ERC2: variants seen among roughly 807,000 people sequenced by gnomAD.
The protein encoded by ERC2 is ERC protein 2.
Under a neutral mutation model 114.8 loss-of-function variants are expected in ERC2, and 42 were observed. That is an observed-to-expected ratio of 0.37 (90% CI 0.29 to 0.47). The LOEUF (loss-of-function observed/expected upper bound fraction) is 0.47, where lower values mean the gene tolerates loss of function less well. Among genes scored for constraint, ERC2 ranks in the 20% least tolerant of loss-of-function variants. The probability of loss-of-function intolerance (pLI) is 0.99; values close to 1 mark genes in which losing one functional copy is unlikely to be tolerated. For missense variants in ERC2, 939 were observed against 1,150.7 expected (o/e 0.82, Z 2.66); for synonymous variants, 454 against 425.5 (o/e 1.07, Z -0.82).
intron 14 of ERC2, among the ~76,000 whole-genome samples, chr3:55,774,103 C>G (rs2068426806): frequency 6.6e-6 from 1 of 152,092 alleles, no homozygotes; most frequent in Non-Finnish European, 1.5e-5. Context: ...CCTGGAGCAC[C>G]CTCATTCAAC....
At chr3:56,369,076 A>G (rs945612696) in intron 2 of ERC2, among the ~76,000 whole-genome samples, 1 of 152,190 alleles carries the variant, frequency 6.6e-6, no homozygotes, top group Non-Finnish European at 1.5e-5. Context: ...CTTCTACCCA[A>G]GGCAGCGGGC....
chr3:55,698,834 A>G (rs1287777484), intron 16 of ERC2, among the ~76,000 whole-genome samples: 1 of 152,138 alleles, frequency 6.6e-6, no homozygotes, highest in African/African-American at 2.4e-5. Flanking sequence ...GTTTTTGTCA[A>G]TCCATCTTTT....
chr3:56,217,245 T>C (rs1305844431), intron 3 of ERC2, among the ~76,000 whole-genome samples: 2 of 152,152 alleles, frequency 1.3e-5, no homozygotes, highest in Non-Finnish European at 2.9e-5. Context: ...AAAACCCCAT[T>C]GTCTCAGCCC....
At chr3:56,298,705 G>A (rs1290183015) in intron 2 of ERC2, among the ~76,000 whole-genome samples, 1 of 145,996 alleles carries the variant, frequency 6.8e-6, no homozygotes, top group African/African-American at 2.5e-5. Context: ...TGGGGGGTGT[G>A]GAGTAAATGG....
chr3:55,562,601 C>T (rs1161531092), intron 17 of ERC2, among the ~76,000 whole-genome samples: 1 of 152,182 alleles, frequency 6.6e-6, no homozygotes, highest in Non-Finnish European at 1.5e-5. Flanking sequence ...ACTCTGCTTG[C>T]AAAGAAAACA....
In ERC2 at chr3:56,148,968, G is replaced by A. The variant is rs553628178; in HGVS notation, c.1305+9C>T. ...TAAGAACATAAAAGTTTATAACCCT[G>A]GACCGTACCTTGGTCTTCATAAACT... On this transcript the variant is annotated intron_variant, in intron 5 of 17. Transcript: ENST00000288221. The A allele has an allele frequency of 6.2e-7, 1 of 1,612,378 alleles. No individual in the cohort carries two copies. The highest frequency in any genetic ancestry group is 8.5e-7 in the Non-Finnish European group (1 of 1,179,120).
At chr3:56,119,559 T>G (rs1560205078) in intron 6 of ERC2, among the ~76,000 whole-genome samples, 1 of 152,258 alleles carries the variant, frequency 6.6e-6, no homozygotes, top group Non-Finnish European at 1.5e-5. Flanking sequence ...TGCATAGTGC[T>G]TAGCTTCCTT....
intron 1 of ERC2, among the ~76,000 whole-genome samples, chr3:56,465,584 T>C (rs1326284974): frequency 6.6e-6 from 1 of 152,230 alleles, no homozygotes; most frequent in South Asian, 2.1e-4. Context: ...CAAGATCTAT[T>C]TAAAACTCTA....
chr3:55,618,871 A>C (rs182326876), intron 17 of ERC2, among the ~76,000 whole-genome samples: 1 of 152,380 alleles, frequency 6.6e-6, no homozygotes, highest in East Asian at 1.9e-4. Flanking sequence ...GGAAAAGCTG[A>C]AACAACATCA....
At chr3:56,170,604 T>TTTTTTTTGAGGTAGTGTG (rs2082603725) in intron 4 of ERC2, among the ~76,000 whole-genome samples, 2 of 133,234 alleles carry the variant, frequency 1.5e-5, no homozygotes, top group African/African-American at 2.9e-5. Context: ...TTTTTTTTTT[T>TTTTTTTTGAGGTAGTGTG]TTTTTTTTTT....
At chr3:55,808,731 ATATATATAT>A (rs1559689402) in intron 14 of ERC2, among the ~76,000 whole-genome samples, 38 of 116,622 alleles carry the variant, frequency 3.3e-4, no homozygotes, top group Admixed American at 1.1e-3. Flanking sequence ...ATATATATAT[ATATATATAT>A]ATAACGTATA....
intron 14 of ERC2, among the ~76,000 whole-genome samples, chr3:55,807,242 C>G (rs974486960): frequency 4.6e-5 from 7 of 152,200 alleles, no homozygotes; most frequent in Non-Finnish European, 8.8e-5. Flanking sequence ...AGGTACTTGG[C>G]TCCTTGTTTA....
At chr3:55,617,859 G>C (rs2059184259) in intron 17 of ERC2, among the ~76,000 whole-genome samples, 3 of 152,126 alleles carry the variant, frequency 2.0e-5, no homozygotes, top group Admixed American at 2.0e-4. Context: ...AGGGAAGTGG[G>C]GCCACTTGAC....
chr3:55,527,274 G>A (rs1193861894), intron 17 of ERC2, among the ~76,000 whole-genome samples: 2 of 152,204 alleles, frequency 1.3e-5, no homozygotes, highest in African/African-American at 2.4e-5. Context: ...AAAGCATAGA[G>A]GTGTTGAGAG....
chr3:56,396,365 T>A (rs921157205), intron 2 of ERC2, among the ~76,000 whole-genome samples: 1 of 151,944 alleles, frequency 6.6e-6, no homozygotes, highest in African/African-American at 2.4e-5. Context: ...CATGGTGGAG[T>A]GGCTTGGAAG....
At chr3:56,341,567 A>G (rs2058090173) in intron 2 of ERC2, among the ~76,000 whole-genome samples, 1 of 151,674 alleles carries the variant, frequency 6.6e-6, no homozygotes, top group Non-Finnish European at 1.5e-5. Flanking sequence ...TTGAGTCATG[A>G]GCTTGCCAAT....
chr3:55,974,245 G>T (rs542817228), intron 12 of ERC2, among the ~76,000 whole-genome samples: 1 of 152,196 alleles, frequency 6.6e-6, no homozygotes, highest in African/African-American at 2.4e-5. Context: ...AGGAAGGAAC[G>T]ATTCCACAGT....
At chr3:56,135,996 A>C (rs920601043) in intron 6 of ERC2, among the ~76,000 whole-genome samples, 1 of 152,188 alleles carries the variant, frequency 6.6e-6, no homozygotes, top group African/African-American at 2.4e-5. Flanking sequence ...ATGTTATGTT[A>C]AGAGCTATGT....
chr3:55,726,676 C>T lies in ERC2; in HGVS notation c.2712+8095G>A, dbSNP rs538260753. 4.9e-4 allele frequency among the ~76,000 whole-genome samples: 75 copies of T among 152,324 alleles called. 2 individuals are homozygous for T. The South Asian group carries it at 0.015, about 31-fold the overall frequency. ...GACAACACAGGGCAGAGAGGCTCTACCTAAATAGATTACATTACATGCAAC... is the reference window on the plus strand; with the variant it reads ...GACAACACAGGGCAGAGAGGCTCTATCTAAATAGATTACATTACATGCAAC... On this transcript the variant is annotated intron_variant, in intron 15 of 17. Coordinates refer to ENST00000288221, the MANE Select transcript of ERC2 (RefSeq NM_015576.3).
Sources: allele counts gnomAD v4.1 joint callset (sites outside exome capture counted in the v4.1 genomes callset), GRCh38; gene constraint gnomAD v4.1.1; transcripts MANE v1.5; gene names NCBI Gene and HGNC (gene_info 2026-07-23, HGNC 2026-07-21).